The following PCDH9 variants were observed in gnomAD, a reference collection of about 807,000 sequenced individuals.
PCDH9 encodes protocadherin-9.
Under a neutral mutation model 70.6 loss-of-function variants are expected in PCDH9, and 24 were observed. The observed-to-expected ratio is 0.34, with a 90% CI of 0.25 to 0.48. PCDH9 has a LOEUF of 0.48. PCDH9 is among the 20% of genes least tolerant of loss of function. The pLI, the probability that PCDH9 is intolerant of heterozygous loss-of-function variation, is 0.99. For synonymous variants in PCDH9, 562 were observed against 558.5 expected, an observed-to-expected ratio of 1.01 and a Z score of -0.09; for missense variants, 1,281 against 1,503.6, an observed-to-expected ratio of 0.85 and a Z score of 2.45.
At chr13:66,707,218 C>T (rs1418196234) in intron 3 of PCDH9, among the ~76,000 whole-genome samples, 3 of 152,166 alleles carry the variant, frequency 2.0e-5, no homozygotes, top group African/African-American at 7.2e-5. Context: ...GGAACCTAAG[C>T]AGTTGCCATT....
chr13:66,655,757 T>C (rs1593846181), intron 3 of PCDH9, among the ~76,000 whole-genome samples: 1 of 152,200 alleles, frequency 6.6e-6, no homozygotes. Flanking sequence ...AAGAATGATA[T>C]CTTTTGCTTA....
chr13:66,787,842 C>A (rs2080104066), intron 3 of PCDH9, among the ~76,000 whole-genome samples: 1 of 152,032 alleles, frequency 6.6e-6, no homozygotes, highest in Non-Finnish European at 1.5e-5. Flanking sequence ...TTAACTATGA[C>A]ACAGTAATAA....
intron 3 of PCDH9, among the ~76,000 whole-genome samples, chr13:66,809,581 A>C (rs1204061980): frequency 6.6e-6 from 1 of 152,180 alleles, no homozygotes; most frequent in East Asian, 1.9e-4. Context: ...AATCATCATC[A>C]AGACTACTTT....
At chr13:66,563,650 T>C (rs2076609666) in intron 4 of PCDH9, among the ~76,000 whole-genome samples, 1 of 152,148 alleles carries the variant, frequency 6.6e-6, no homozygotes, top group Non-Finnish European at 1.5e-5. Context: ...TCAGTAGTTT[T>C]CCATATTTTC....
At chr13:66,867,288 T>G (rs747288444) in intron 3 of PCDH9, among the ~76,000 whole-genome samples, 3 of 152,198 alleles carry the variant, frequency 2.0e-5, no homozygotes, top group Non-Finnish European at 2.9e-5. Flanking sequence ...ATTAATGTTC[T>G]CTCTGGTGAT....
At chr13:66,405,063 G>A (rs1485426344) in intron 4 of PCDH9, among the ~76,000 whole-genome samples, 1 of 152,060 alleles carries the variant, frequency 6.6e-6, no homozygotes, top group African/African-American at 2.4e-5. Context: ...TTGCATTTAA[G>A]CAAATTTACT....
At chr13:67,005,815 G>A (rs927242457) in intron 2 of PCDH9, among the ~76,000 whole-genome samples, 2 of 152,182 alleles carry the variant, frequency 1.3e-5, no homozygotes, top group African/African-American at 4.8e-5. Context: ...ACATAATTCT[G>A]CTTATTTCAT....
intron 2 of PCDH9, among the ~76,000 whole-genome samples, chr13:67,112,757 G>A (rs1357043922): frequency 6.8e-6 from 1 of 146,814 alleles, no homozygotes; most frequent in Non-Finnish European, 1.5e-5. Flanking sequence ...TCACTCTGTC[G>A]CCCAGCCTGG....
chr13:66,948,782 G>C (rs2083131226), intron 2 of PCDH9, among the ~76,000 whole-genome samples: 1 of 151,992 alleles, frequency 6.6e-6, no homozygotes, highest in Non-Finnish European at 1.5e-5. Flanking sequence ...AGTTTTTCAG[G>C]ATGTTTCTGC....
At chr13:66,617,973 G>C (rs2077378435) in intron 4 of PCDH9, among the ~76,000 whole-genome samples, 1 of 152,116 alleles carries the variant, frequency 6.6e-6, no homozygotes, top group African/African-American at 2.4e-5. Context: ...GGGGGTCCCT[G>C]GGGAAACTCT....
chr13:67,078,925 G>A (rs777180456), intron 2 of PCDH9, among the ~76,000 whole-genome samples: 3 of 152,036 alleles, frequency 2.0e-5, no homozygotes, highest in African/African-American at 4.8e-5. Flanking sequence ...TCCTGCAGTG[G>A]CCAGTCTGGA....
intron 2 of PCDH9, among the ~76,000 whole-genome samples, chr13:66,990,478 T>C (rs2139796132): frequency 6.6e-6 from 1 of 151,208 alleles, no homozygotes; most frequent in South Asian, 2.1e-4. Context: ...TAATATATCA[T>C]ATTCTTTTTT....
At chr13:66,882,992 T>A (rs961449281) in intron 3 of PCDH9, among the ~76,000 whole-genome samples, 6 of 152,218 alleles carry the variant, frequency 3.9e-5, no homozygotes, top group South Asian at 4.1e-4. Flanking sequence ...ATCATGACAT[T>A]CAGTGTCCTT....
At chr13:66,740,423 T>G (rs2079241880) in intron 3 of PCDH9, among the ~76,000 whole-genome samples, 18 of 103,588 alleles carry the variant, frequency 1.7e-4, no homozygotes, top group African/African-American at 4.7e-4. Context: ...ACATCACAAT[T>G]AAAAGAACTA....
intron 2 of PCDH9, among the ~76,000 whole-genome samples, chr13:67,025,689 G>C (rs2084765755): frequency 6.6e-6 from 1 of 152,062 alleles, no homozygotes; most frequent in Admixed American, 6.6e-5. Context: ...AAAAAGACTT[G>C]AGTAAATTTT....
At chr13:66,888,580 A>C (rs2082046679) in intron 3 of PCDH9, among the ~76,000 whole-genome samples, 1 of 151,954 alleles carries the variant, frequency 6.6e-6, no homozygotes, top group South Asian at 2.1e-4. Flanking sequence ...TTTTAAAAAG[A>C]GGAAAGAAAA....
At chr13:66,426,624 C>A (rs1368210845) in intron 4 of PCDH9, among the ~76,000 whole-genome samples, 1 of 151,500 alleles carries the variant, frequency 6.6e-6, no homozygotes, top group East Asian at 1.9e-4. Flanking sequence ...ATTGAAAATT[C>A]ATGGTAGCAG....
At chr13:66,880,671 G>C (rs1842800706) in intron 3 of PCDH9, among the ~76,000 whole-genome samples, 1 of 152,062 alleles carries the variant, frequency 6.6e-6, no homozygotes, top group African/African-American at 2.4e-5. Flanking sequence ...CCCTTCTTAG[G>C]TCTATGCAAG....
intron 4 of PCDH9, among the ~76,000 whole-genome samples, chr13:66,395,328 C>T (rs1240415429): frequency 1.3e-5 from 2 of 152,088 alleles, no homozygotes; most frequent in Admixed American, 6.6e-5. Context: ...TTTGGCCGGG[C>T]GTGGTGGCTC....
Sources: allele counts gnomAD v4.1 joint callset (sites outside exome capture counted in the v4.1 genomes callset), GRCh38; gene constraint gnomAD v4.1.1; transcripts MANE v1.5; gene names NCBI Gene and HGNC (gene_info 2026-07-23, HGNC 2026-07-21).